SEMA6D: variants seen among roughly 807,000 people sequenced by gnomAD.
The protein encoded by SEMA6D is semaphorin-6D.
A neutral mutation model predicts 106.6 loss-of-function variants in SEMA6D; 35 were observed. That is an observed-to-expected ratio of 0.33 (90% CI 0.25 to 0.44). The LOEUF (loss-of-function observed/expected upper bound fraction) is 0.44, where lower values mean the gene tolerates loss of function less well. Ranked by LOEUF, SEMA6D falls within the 20% of genes least tolerant of loss-of-function variation. The probability of loss-of-function intolerance (pLI) is 1.00; values close to 1 mark genes in which losing one functional copy is unlikely to be tolerated. For synonymous variants in SEMA6D, 499 were observed against 487.7 expected (o/e 1.02, Z -0.31); for missense variants, 1,185 against 1,345.9 (o/e 0.88, Z 1.87).
intron 1 of SEMA6D, among the ~76,000 whole-genome samples, chr15:47,194,659 T>C (rs1351329145): frequency 6.6e-6 from 1 of 152,182 alleles, no homozygotes; most frequent in Non-Finnish European, 1.5e-5. Flanking sequence ...GTCTAGGAAA[T>C]TACAGTTACC....
chr15:47,336,511 G>A (rs568394618), intron 1 of SEMA6D, among the ~76,000 whole-genome samples: 9 of 152,138 alleles, frequency 5.9e-5, no homozygotes, highest in Non-Finnish European at 1.3e-4. Flanking sequence ...TTTCACTAGA[G>A]GTGCATTTAC....
At chr15:47,579,069 C>T (rs1294949021) in intron 3 of SEMA6D, among the ~76,000 whole-genome samples, 2 of 151,968 alleles carry the variant, frequency 1.3e-5, no homozygotes, top group Non-Finnish European at 1.5e-5. Context: ...ACATATGAAG[C>T]CCCTGGGTAC....
chr15:47,384,814 G>GTTTTTTTTT (rs1168068495), intron 1 of SEMA6D, among the ~76,000 whole-genome samples: 28 of 65,694 alleles, frequency 4.3e-4, no homozygotes, highest in East Asian at 6.9e-4. Context: ...GATTACTAAA[G>GTTTTTTTTT]TTTTTTTTTT....
intron 1 of SEMA6D, among the ~76,000 whole-genome samples, chr15:47,301,110 A>G (rs141907134): frequency 7.2e-5 from 11 of 152,320 alleles, no homozygotes; most frequent in African/African-American, 2.6e-4. Flanking sequence ...GACAAAATGG[A>G]GTTCGAGTTC....
chr15:47,412,773 T>G (rs1272791896), intron 2 of SEMA6D, among the ~76,000 whole-genome samples: 2 of 152,174 alleles, frequency 1.3e-5, no homozygotes, highest in South Asian at 2.1e-4. Context: ...TCAGAAGAGA[T>G]ATGATTATAC....
At chr15:47,278,351 C>A (rs1391668309) in intron 1 of SEMA6D, among the ~76,000 whole-genome samples, 1 of 152,204 alleles carries the variant, frequency 6.6e-6, no homozygotes, top group African/African-American at 2.4e-5. Flanking sequence ...ATTTGCATTT[C>A]TCTGATGGCC....
At chr15:47,368,479 TA>T (rs199848411) in intron 1 of SEMA6D, among the ~76,000 whole-genome samples, 2,470 of 87,048 alleles carry the variant, frequency 0.028, 59 homozygotes, top group African/African-American at 0.074. Flanking sequence ...TTTATTTATT[TA>T]TTTTTTTTGA....
At chr15:47,249,079 T>C (rs2033361727) in intron 1 of SEMA6D, among the ~76,000 whole-genome samples, 1 of 152,018 alleles carries the variant, frequency 6.6e-6, no homozygotes, top group Non-Finnish European at 1.5e-5. Flanking sequence ...AATACAAACA[T>C]TAGCCGGCCA....
intron 1 of SEMA6D, among the ~76,000 whole-genome samples, chr15:47,240,997 T>C (rs189214112): frequency 4.6e-5 from 7 of 152,258 alleles, no homozygotes; most frequent in Admixed American, 4.6e-4. Context: ...GCAGGTTAGA[T>C]GTGTCATCCT....
At chr15:47,626,196 A>T (rs1421614299) in intron 4 of SEMA6D, among the ~76,000 whole-genome samples, 3 of 152,206 alleles carry the variant, frequency 2.0e-5, no homozygotes, top group East Asian at 3.8e-4. Flanking sequence ...TGAGATGTGC[A>T]TCACAACCGT....
intron 3 of SEMA6D, among the ~76,000 whole-genome samples, chr15:47,594,154 A>G (rs1230669279): frequency 6.6e-6 from 1 of 152,194 alleles, no homozygotes; most frequent in Non-Finnish European, 1.5e-5. Context: ...ATGAAAGATA[A>G]TATTTGTTTC....
At chr15:47,457,311 AC>A (rs2042373674) in intron 2 of SEMA6D, among the ~76,000 whole-genome samples, 2 of 152,036 alleles carry the variant, frequency 1.3e-5, no homozygotes, top group African/African-American at 4.8e-5. Flanking sequence ...ATACAGACTT[AC>A]TTATACACAC....
intron 3 of SEMA6D, among the ~76,000 whole-genome samples, chr15:47,513,367 T>G (rs1340002929): frequency 6.6e-6 from 1 of 152,208 alleles, no homozygotes; most frequent in Non-Finnish European, 1.5e-5. Flanking sequence ...TGATTTGTCA[T>G]GCAATCTTAC....
intron 3 of SEMA6D, among the ~76,000 whole-genome samples, chr15:47,548,660 G>A (rs2045594844): frequency 6.6e-6 from 1 of 152,104 alleles, no homozygotes; most frequent in Admixed American, 6.6e-5. Context: ...TATGCCCTGA[G>A]AAACTAGGGA....
At position 47,763,853 on chromosome 15, in the gene SEMA6D, G is replaced by A. The variant is rs151039709; in HGVS notation, c.751G>A (p.Val251Met). Reference sequence around the variant, plus strand: ...TTTGCTTCTATCCGTTGGGCAGGCTGTGTATTCCCGCGTGGCCCGCATATG... The same window carrying A: ...TTTGCTTCTATCCGTTGGGCAGGCTATGTATTCCCGCGTGGCCCGCATATG... Reference protein sequence around the residue: ...AVEHNNLGKAVYSRVARICKN... With the variant: ...AVEHNNLGKAMYSRVARICKN... The change falls in exon 10 of 19, where the codon GTG becomes ATG. Residue 251 changes from valine to methionine, a missense_variant. By Grantham distance (21) the Val-to-Met change is conservative. Coordinates refer to ENST00000536845, the MANE Select transcript of SEMA6D (RefSeq NM_001358351.3). The A allele has an allele frequency of 2.9e-4, 473 of 1,612,704 alleles. 1 individual carries two copies. The Middle Eastern group carries it at 5.9e-3, about 20-fold the overall frequency.
chr15:47,420,341 C>G (rs766699157), intron 2 of SEMA6D, among the ~76,000 whole-genome samples: 3 of 152,040 alleles, frequency 2.0e-5, no homozygotes, highest in Non-Finnish European at 4.4e-5. Context: ...GTGATCTTTG[C>G]TGTTTCTCCC....
chr15:47,244,117 C>A (rs764700172), intron 1 of SEMA6D, among the ~76,000 whole-genome samples: 3 of 151,982 alleles, frequency 2.0e-5, no homozygotes, highest in Non-Finnish European at 4.4e-5. Context: ...TCAACAGTAA[C>A]CAAAGGAAAA....
intron 1 of SEMA6D, among the ~76,000 whole-genome samples, chr15:47,731,093 A>G (rs2080091512): frequency 6.6e-6 from 1 of 152,162 alleles, no homozygotes; most frequent in South Asian, 2.1e-4. Context: ...AACTTCTCAA[A>G]TTTATTATTG....
chr15:47,532,703 A>T (rs538256096), intron 3 of SEMA6D, among the ~76,000 whole-genome samples: 41 of 152,302 alleles, frequency 2.7e-4, no homozygotes, highest in African/African-American at 9.9e-4. Context: ...AGTGGCTGGT[A>T]AAGATCCTGT....
Sources: gnomAD v4.1 joint callset for allele counts (sites outside exome capture counted in the v4.1 genomes callset) on GRCh38, gnomAD v4.1.1 for gene constraint, MANE v1.5 for transcripts, NCBI Gene and HGNC (gene_info 2026-07-23, HGNC 2026-07-21) for gene names.